Variants in RPUSD3 observed in about 807,000 individuals in gnomAD.
RPUSD3 encodes mitochondrial mRNA pseudouridine synthase RPUSD3.
A neutral mutation model predicts 35.1 loss-of-function variants in RPUSD3; 36 were observed. That is an observed-to-expected ratio of 1.02 (90% CI 0.79 to 1.35). The LOEUF is 1.35. RPUSD3 is among the 40% of genes most tolerant of loss of function. The pLI is 0.00. For missense variants in RPUSD3, 486 were observed against 441.9 expected (o/e 1.10, Z -0.89); for synonymous variants, 202 against 187.8 (o/e 1.08, Z -0.62).
intron 2 of RPUSD3, chr3:9,843,228 G>A (rs938833717): frequency 5.2e-6 from 3 of 576,996 alleles, no homozygotes; most frequent in Admixed American, 6.1e-5. Flanking sequence ...GTAACTGAGC[G>A]CCGGCTATGT....
chr3:9,838,281 G>T, intron 8 of RPUSD3, 74 bp from the exon 9 acceptor site: 1 of 1,490,532 alleles, frequency 6.7e-7, no homozygotes, highest in Non-Finnish European at 9.2e-7. Context: ...TAAGGGAAAT[G>T]GGAGTAAGGC....
In RPUSD3 at chr3:9,840,879, A is replaced by T. The variant is rs2125024866; in HGVS notation, c.408-74T>A. The T allele has an allele frequency of 3.6e-6, 4 of 1,103,378 alleles. No individual in the cohort carries two copies. In the East Asian group the frequency reaches 1.0e-4, roughly 28 times the overall value. 68.3% of individuals were successfully genotyped at this position (1,103,378 alleles called of 1,614,324 possible). A position where few individuals can be genotyped will look rare whatever the true frequency, so the allele number is the denominator to read the frequency against. ...CACTAAAAAGGAAACTCTTAGGAAC[A>T]CTGACCTGCTTCAGGCCAAACACTA... On this transcript the variant is annotated intron_variant, in intron 4 of 8. Transcript: ENST00000383820.
intron 7 of RPUSD3, chr3:9,839,476 TCTAGC>T: frequency 4.2e-6 from 1 of 236,778 alleles, no homozygotes; most frequent in Non-Finnish European, 8.2e-6. Context: ...AGCTGCCTCC[TCTAGC>T]TGGGCCTGGT....
chr3:9,839,388 G>T, intron 7 of RPUSD3: 1 of 501,540 alleles, frequency 2.0e-6, no homozygotes, highest in Non-Finnish European at 3.5e-6. Context: ...ATCCACTCAT[G>T]ATGAGATGCA....
At chr3:9,838,165 A>G in exon 9 of RPUSD3, 1 of 1,611,998 alleles carries the variant, frequency 6.2e-7, no homozygotes, top group African/African-American at 1.3e-5. Flanking sequence ...GCAGCCTGGG[A>G]GGGGGTCAGG....
At chr3:9,842,055 G>A in exon 4 of RPUSD3, 1 of 1,612,048 alleles carries the variant, frequency 6.2e-7, no homozygotes, top group Non-Finnish European at 8.5e-7. Flanking sequence ...TGGCAGCACT[G>A]AGAACAACGT....
intron 1 of RPUSD3, 75 bp downstream of exon 1, chr3:9,843,815 C>T (rs1333851432): frequency 1.3e-6 from 2 of 1,553,622 alleles, no homozygotes; most frequent in African/African-American, 1.4e-5. Context: ...GTAACATCTA[C>T]CTGATCCAGA....
intron 8 of RPUSD3, 109 bp from the exon 9 acceptor site, chr3:9,838,316 T>C: frequency 9.9e-7 from 1 of 1,005,424 alleles, no homozygotes; most frequent in South Asian, 1.5e-5. Context: ...TTCCCCACTG[T>C]TCTGCAACTG....
chr3:9,843,510 C>G, exon 2 of RPUSD3: 1 of 1,614,074 alleles, frequency 6.2e-7, no homozygotes, highest in Middle Eastern at 1.6e-4. Flanking sequence ...ACCAGCTCCT[C>G]CCGACTGAGG....
chr3:9,842,579 C>G (rs57472117), intron 2 of RPUSD3: 1 of 402,908 alleles, frequency 2.5e-6, no homozygotes, highest in Non-Finnish European at 4.6e-6. Context: ...TTAGTTTATG[C>G]ATAGCACTTA....
rs1352355828 is a variant in RPUSD3 at position 9,843,977 on chromosome 3, C to T, written c.38G>A (p.Arg13His). ...GCCACTCCAGAACCGGCCCAAAACA[C>T]GGCGGCCGTCCATCTCCCGAGCCAG... Residue 13 changes from arginine to histidine, a missense_variant, in exon 1 of 9, where the codon CGT (arginine) becomes CAT (histidine). Transcript: ENST00000383820. 3 of 1,603,178 alleles carry T rather than the reference C, an allele frequency of 1.9e-6. No homozygotes were observed. In the Admixed American group the frequency reaches 5.1e-5, roughly 27 times the overall value.
chr3:9,839,174 G>A lies in RPUSD3; in HGVS notation c.725-3C>T, dbSNP rs1221294291. 8.7e-6 allele frequency: 14 copies of A among 1,604,126 alleles called. No individual in the cohort carries two copies. The highest frequency in any genetic ancestry group is 1.1e-5 in the Non-Finnish European group (13 of 1,172,116). ...CACCTGTAGTTGACTGGAGAACACT[G>A]GGCAACAGGAAAGCCAGGAGAGACA... is the stretch of plus-strand genomic sequence containing the variant. On this transcript the variant is annotated splice_region_variant and splice_polypyrimidine_tract_variant and intron_variant, in intron 7 of 8. Coordinates refer to ENST00000383820, the Ensembl canonical transcript of RPUSD3.
chr3:9,843,540 C>G (rs1038727744), exon 2 of RPUSD3: 1 of 1,613,846 alleles, frequency 6.2e-7, no homozygotes, highest in South Asian at 1.1e-5. Context: ...AGCAGCCCCG[C>G]GAAGGGCTGG....
chr3:9,839,214 G>A (rs376243619), intron 7 of RPUSD3, 43 bp from the exon 8 acceptor site: 38 of 1,585,358 alleles, frequency 2.4e-5, no homozygotes, highest in East Asian at 4.5e-5. Context: ...GCAGCTACTC[G>A]TTCTGTGCCA....
At chr3:9,839,336 C>G in intron 7 of RPUSD3, 165 bp from the exon 8 acceptor site, 2 of 658,452 alleles carry the variant, frequency 3.0e-6, no homozygotes, top group Non-Finnish European at 4.9e-6. Context: ...GGACACATAA[C>G]ACGTCAGGAC....
At chr3:9,843,284 A>C in intron 2 of RPUSD3, 181 bp downstream of exon 2, 1 of 779,978 alleles carries the variant, frequency 1.3e-6, no homozygotes, top group Non-Finnish European at 2.1e-6. Flanking sequence ...TCTTAACCCT[A>C]CTGCATCATG....
intron 7 of RPUSD3, 46 bp downstream of exon 7, chr3:9,840,138 C>T: frequency 6.3e-7 from 1 of 1,589,968 alleles, no homozygotes; most frequent in Non-Finnish European, 8.6e-7. Context: ...CCTCAGCCTC[C>T]CAAATCAAGT....
rs73811583 is a variant in RPUSD3 at position 9,837,902 on chromosome 3, A to G, written c.*114T>C. 6.4e-3 allele frequency: 7,574 copies of G among 1,182,068 alleles called. 317 individuals are homozygous for G. The African/African-American group carries it at 0.1, about 16-fold the overall frequency. 73.2% of individuals were successfully genotyped at this position (1,182,068 alleles called of 1,614,324 possible). A position where few individuals can be genotyped will look rare whatever the true frequency, so the allele number is the denominator to read the frequency against. ...CCAGAGAGGTAAAGTTACTTGCCCA[A>G]TGCCACACAGCAAGCAAGTGGCCTG... On this transcript the variant is annotated 3_prime_UTR_variant, in exon 9 of 9. Transcript: ENST00000383820.
exon 9 of RPUSD3, chr3:9,837,905 C>T (rs1559233223): frequency 8.3e-7 from 1 of 1,210,706 alleles, no homozygotes; most frequent in South Asian, 1.7e-5. Context: ...TTGCCCAATG[C>T]CACACAGCAA....
Sources: gnomAD v4.1 joint callset for allele counts on GRCh38, gnomAD v4.1.1 for gene constraint, MANE v1.5 for transcripts, NCBI Gene and HGNC (gene_info 2026-07-23, HGNC 2026-07-21) for gene names.